PXK: variants seen among roughly 807,000 people sequenced by gnomAD.
The protein encoded by PXK is PX domain containing serine/threonine kinase like.
Under a neutral mutation model 84.7 loss-of-function variants are expected in PXK, and 35 were observed. That is an observed-to-expected ratio of 0.41 (90% CI 0.32 to 0.55). PXK has a LOEUF of 0.55. Among genes scored for constraint, PXK ranks in the 20% least tolerant of loss-of-function variants. The probability of loss-of-function intolerance (pLI) is 0.21; values close to 1 mark genes in which losing one functional copy is unlikely to be tolerated. For synonymous variants in PXK, 253 were observed against 260.8 expected (o/e 0.97, Z 0.29); for missense variants, 634 against 699.7 (o/e 0.91, Z 1.06).
At chr3:58,420,033 C>T (rs1298126660) in intron 17 of PXK, among the ~76,000 whole-genome samples, 1 of 152,244 alleles carries the variant, frequency 6.6e-6, no homozygotes, top group Non-Finnish European at 1.5e-5. Flanking sequence ...TGCTCACACT[C>T]CTCCCAACTT....
At chr3:58,372,303 T>C (rs115668600) in intron 3 of PXK, among the ~76,000 whole-genome samples, 2,146 of 152,136 alleles carry the variant, frequency 0.014, 63 homozygotes, top group African/African-American at 0.049. Context: ...GCTATCTAAG[T>C]GGAAAAACAG....
At chr3:58,374,075 T>A (rs2098415870) in intron 3 of PXK, among the ~76,000 whole-genome samples, 1 of 150,464 alleles carries the variant, frequency 6.6e-6, no homozygotes, top group Non-Finnish European at 1.5e-5. Context: ...TCCCTCCAGA[T>A]AAAAGCTAGT....
chr3:58,334,780 A>G (rs71311855), intron 1 of PXK, among the ~76,000 whole-genome samples: 12,198 of 152,266 alleles, frequency 0.08, 590 homozygotes, highest in South Asian at 0.1. Context: ...TGTGTTTATC[A>G]AATGACTAAA....
At chr3:58,415,718 G>C (rs768722722) in intron 17 of PXK, among the ~76,000 whole-genome samples, 5 of 152,188 alleles carry the variant, frequency 3.3e-5, no homozygotes, top group African/African-American at 4.8e-5. Flanking sequence ...CAGAAAGGAA[G>C]GCATTTATTG....
chr3:58,409,109 T>C lies in PXK; in HGVS notation c.1308+108T>C. On this transcript the variant is annotated intron_variant, in intron 14 of 17. Coordinates refer to ENST00000356151, the MANE Select transcript of PXK (RefSeq NM_017771.5). The surrounding 1 kb of genome is among the most constrained non-coding windows in gnomAD (Gnocchi z 4.2). ...CCCTCTGCAAATATTTTAAGCATACTTACTCTCAGCCAGCCTTTAGGCTAA... is the reference window on the plus strand; with the variant it reads ...CCCTCTGCAAATATTTTAAGCATACCTACTCTCAGCCAGCCTTTAGGCTAA... 1 of 841,608 alleles carries C rather than the reference T, an allele frequency of 1.2e-6. No homozygotes were observed. Among genetic ancestry groups the C allele is most frequent in the South Asian group, 1.6e-5 (1 of 61,000 alleles). 52.1% of individuals were successfully genotyped at this position (841,608 alleles called of 1,614,324 possible).
rs191830453 is a variant in PXK, at chr3:58,400,911, G to A, written c.1181+1534G>A. Among the ~76,000 whole-genome samples the A allele has an allele frequency of 5.9e-4, 89 of 151,678 alleles. No homozygotes were observed. The highest frequency in any genetic ancestry group is 1.9e-3 in the African/African-American group (78 of 41,082). The stretch of plus-strand genomic sequence containing the variant: ...AGCCTGGGTGACAGAGCAAGACTCC[G>A]TCTCAAAACAAAACAAACAATGTGA... On this transcript the variant is annotated intron_variant, in intron 12 of 17. Transcript: ENST00000356151. This position sits in a 1 kb window ranked among gnomAD's most constrained non-coding sequence, Gnocchi z 4.0.
intron 1 of PXK, among the ~76,000 whole-genome samples, chr3:58,337,456 T>C (rs754365951): frequency 6.6e-6 from 1 of 152,010 alleles, no homozygotes; most frequent in Non-Finnish European, 1.5e-5. Flanking sequence ...CATGGAGCTT[T>C]TGTTCTGTTG....
rs1241686733 is a variant in PXK, at chr3:58,395,118, C to T, written c.720+16C>T. 6.4e-7 allele frequency: 1 copy of T among 1,568,588 alleles called. No homozygotes were observed. On this transcript the variant is annotated intron_variant, in intron 8 of 17. Coordinates refer to ENST00000356151, the MANE Select transcript of PXK (RefSeq NM_017771.5). ...GATCTACAAGGTACCTGTGCAAGTT[C>T]ATGGTCATAAGGAATTCTCAAGTTC...
intron 1 of PXK, among the ~76,000 whole-genome samples, chr3:58,346,958 T>G (rs1297307992): frequency 6.6e-6 from 1 of 152,060 alleles, no homozygotes; most frequent in East Asian, 1.9e-4. Flanking sequence ...CCTTCCTCAG[T>G]CTCCTGAGTA....
At position 58,409,389 on chromosome 3, in the gene PXK, C is replaced by A; in HGVS notation, c.1309-143C>A. On this transcript the variant is annotated intron_variant, in intron 14 of 17. Coordinates refer to ENST00000356151, the MANE Select transcript of PXK (RefSeq NM_017771.5). The surrounding 1 kb of genome is among the most constrained non-coding windows in gnomAD (Gnocchi z 4.2). ...ATACTCCTCTACCTGGCATCCAGAC[C>A]CGAGCCAGGAAGTAGACAGCCTGAG... 1 of 782,848 alleles carries A rather than the reference C, an allele frequency of 1.3e-6. No individual in the cohort carries two copies. The highest frequency in any genetic ancestry group is 2.1e-6 in the Non-Finnish European group (1 of 470,060). 48.5% of individuals were successfully genotyped at this position (782,848 alleles called of 1,614,324 possible).
rs1030177102 is a variant in PXK, at chr3:58,383,153, A to G, written c.388+453A>G. ...CTAAAAATACAAAAATTAGCCAGGC[A>G]TAGTGGCACATGCCTGTAATCCTAG... On this transcript the variant is annotated intron_variant, in intron 4 of 17. Coordinates refer to ENST00000356151, the MANE Select transcript of PXK (RefSeq NM_017771.5). The surrounding 1 kb of genome is among the most constrained non-coding windows in gnomAD (Gnocchi z 4.0). Among the ~76,000 whole-genome samples, 1 of 152,152 alleles carries G rather than the reference A, an allele frequency of 6.6e-6. No homozygotes were observed. The highest frequency in any genetic ancestry group is 1.5e-5 in the Non-Finnish European group (1 of 68,024).
chr3:58,394,953 A>G (rs1387192313), intron 7 of PXK, 45 bp from the exon 8 acceptor site: 7 of 1,455,444 alleles, frequency 4.8e-6, no homozygotes, highest in South Asian at 1.1e-5. Context: ...AAAAGGACCT[A>G]GATCCTGACG....
At chr3:58,337,810 GTGGCT>G (rs879703742) in intron 1 of PXK, among the ~76,000 whole-genome samples, 1 of 152,118 alleles carries the variant, frequency 6.6e-6, no homozygotes, top group Non-Finnish European at 1.5e-5. Context: ...GATGGTTTTA[GTGGCT>G]TGGTTTATTG....
chr3:58,373,374 C>G (rs1371581480), intron 3 of PXK, among the ~76,000 whole-genome samples: 1 of 152,132 alleles, frequency 6.6e-6, no homozygotes, highest in South Asian at 2.1e-4. Flanking sequence ...AGCGCCTGGC[C>G]GAGTCCATCA....
intron 17 of PXK, chr3:58,420,737 C>G (rs1443950576): frequency 1.4e-6 from 2 of 1,436,160 alleles, no homozygotes; most frequent in Admixed American, 2.8e-5. Flanking sequence ...TTAAAAAGCA[C>G]CCAGTGACTT....
chr3:58,350,918 G>A (rs2097910498), intron 1 of PXK, among the ~76,000 whole-genome samples: 2 of 152,154 alleles, frequency 1.3e-5, no homozygotes, highest in Non-Finnish European at 2.9e-5. Flanking sequence ...CTAAGTGATG[G>A]TGACCATTAT....
chr3:58,339,747 T>C (rs2097694114), intron 1 of PXK, among the ~76,000 whole-genome samples: 1 of 152,152 alleles, frequency 6.6e-6, no homozygotes, highest in Non-Finnish European at 1.5e-5. Context: ...TAGGGAACAG[T>C]GGAAAGAGCC....
rs2059858894 is a variant in PXK at position 58,409,426 on chromosome 3, T to C, written c.1309-106T>C. On this transcript the variant is annotated intron_variant, in intron 14 of 17. Transcript: ENST00000356151. This position sits in a 1 kb window ranked among gnomAD's most constrained non-coding sequence, Gnocchi z 4.2. ...GTAGACAGCCTGAGCAAGGAAAGATTTTCTTTTATCCCAATAAAATGTGGT... is the reference window on the plus strand; with the variant it reads ...GTAGACAGCCTGAGCAAGGAAAGATCTTCTTTTATCCCAATAAAATGTGGT... The C allele has an allele frequency of 9.5e-7, 1 of 1,055,538 alleles. No individual in the cohort carries two copies. Among genetic ancestry groups the C allele is most frequent in the Non-Finnish European group, 1.4e-6 (1 of 704,002 alleles). The allele number at this position is 1,055,538 out of a possible 1,614,324, so 65.4% of individuals were successfully genotyped here.
At chr3:58,405,365 C>T (rs888992914) in intron 13 of PXK, among the ~76,000 whole-genome samples, 3 of 152,050 alleles carry the variant, frequency 2.0e-5, no homozygotes, top group South Asian at 2.1e-4. Context: ...CCAGACTCCT[C>T]ATGATTTAAA....
Sources: allele counts gnomAD v4.1 joint callset (sites outside exome capture counted in the v4.1 genomes callset), GRCh38; gene constraint gnomAD v4.1.1; non-coding constraint Gnocchi (gnomAD v3.1); transcripts MANE v1.5; gene names NCBI Gene and HGNC (gene_info 2026-07-23, HGNC 2026-07-21).